The following CAAP1 variants were observed in gnomAD, a reference collection of about 807,000 sequenced individuals.
CAAP1 encodes caspase activity and apoptosis inhibitor 1.
In CAAP1, 20 loss-of-function variants were observed where a neutral mutation model predicts 34.0. The observed-to-expected ratio is 0.59, with a 90% confidence interval of 0.41 to 0.86. The LOEUF is 0.86. Ranked by LOEUF, CAAP1 falls within the 40% of genes least tolerant of loss-of-function variation. The pLI, the probability that CAAP1 is intolerant of heterozygous loss-of-function variation, is 0.00. For synonymous variants in CAAP1, 213 were observed against 166.7 expected (o/e 1.28, Z -2.14); for missense variants, 538 against 450.5 (o/e 1.19, Z -1.76).
At chr9:26,884,712 A>T in intron 4 of CAAP1, 98 bp downstream of exon 4, 2 of 895,360 alleles carry the variant, frequency 2.2e-6, no homozygotes, top group Non-Finnish European at 3.6e-6. Context: ...ATGATTTTAT[A>T]AATAAAACAC....
At chr9:26,878,916 G>T (rs982084098) in intron 4 of CAAP1, among the ~76,000 whole-genome samples, 7 of 152,050 alleles carry the variant, frequency 4.6e-5, no homozygotes, top group Admixed American at 3.9e-4. Flanking sequence ...TCTTTGCCAA[G>T]ATTCCCAAGA....
intron 4 of CAAP1, among the ~76,000 whole-genome samples, chr9:26,874,233 A>AT (rs1491154910): frequency 3.3e-4 from 47 of 140,974 alleles, no homozygotes; most frequent in African/African-American, 8.1e-4. Flanking sequence ...AAAAAAAAAA[A>AT]TTTTTTTTAC....
intron 3 of CAAP1, 163 bp from the exon 4 acceptor site, chr9:26,885,048 A>T: frequency 1.8e-6 from 1 of 550,860 alleles, no homozygotes; most frequent in Non-Finnish European, 3.2e-6. Context: ...TAATTTTTTC[A>T]ATGCCTTATT....
At chr9:26,865,810 T>C (rs548801121) in intron 4 of CAAP1, among the ~76,000 whole-genome samples, 1 of 152,224 alleles carries the variant, frequency 6.6e-6, no homozygotes, top group South Asian at 2.1e-4. Flanking sequence ...CCTAGGAAGG[T>C]TTCGTAGTAG....
intron 4 of CAAP1, among the ~76,000 whole-genome samples, chr9:26,873,410 C>A (rs574519987): frequency 1.1e-4 from 17 of 152,294 alleles, no homozygotes; most frequent in African/African-American, 3.9e-4. Flanking sequence ...AATAAAAGCA[C>A]ATTCATTTAA....
chr9:26,874,860 C>G (rs904765555), intron 4 of CAAP1, among the ~76,000 whole-genome samples: 3 of 151,962 alleles, frequency 2.0e-5, no homozygotes, highest in African/African-American at 7.3e-5. Flanking sequence ...GTAAGCTGAG[C>G]TTAGAGGAGA....
Position 26,840,977 on chromosome 9 carries a change from T to C in CAAP1, c.*1324A>G, listed in dbSNP as rs1822462536. On this transcript the variant is annotated 3_prime_UTR_variant, in exon 6 of 6. Coordinates refer to ENST00000333916, the MANE Select transcript of CAAP1 (RefSeq NM_024828.4). ...TTTTCTATGCTTTATTAGAAAGATT[T>C]ATGGAGGGGGAAAAAATGGTAGAAT... 1 of 152,146 alleles carries C rather than the reference T, an allele frequency of 6.6e-6. No individual in the cohort carries two copies. The highest frequency in any genetic ancestry group is 6.5e-5 in the Admixed American group (1 of 15,276). The allele number at this position is 152,146 out of a possible 1,614,324, so 9.4% of individuals were successfully genotyped here. A position where few individuals can be genotyped will look rare whatever the true frequency, so the allele number is the denominator to read the frequency against.
chr9:26,877,945 AT>A (rs1203577359), intron 4 of CAAP1, among the ~76,000 whole-genome samples: 30 of 151,622 alleles, frequency 2.0e-4, no homozygotes, highest in African/African-American at 7.3e-4. Context: ...TCTCCTTTCT[AT>A]GTTTCATTTT....
intron 4 of CAAP1, among the ~76,000 whole-genome samples, chr9:26,874,619 A>T (rs537254993): frequency 7.9e-5 from 12 of 152,326 alleles, no homozygotes; most frequent in African/African-American, 2.6e-4. Context: ...AGGTATTTAG[A>T]AATGATGGAT....
intron 4 of CAAP1, among the ~76,000 whole-genome samples, chr9:26,883,616 T>G (rs1483690278): frequency 6.6e-6 from 1 of 152,086 alleles, no homozygotes; most frequent in Non-Finnish European, 1.5e-5. Flanking sequence ...AAATAATAGA[T>G]TTTTAAAAAG....
intron 5 of CAAP1, among the ~76,000 whole-genome samples, chr9:26,851,536 T>C (rs1222496137): frequency 6.6e-6 from 1 of 152,176 alleles, no homozygotes; most frequent in East Asian, 1.9e-4. Flanking sequence ...TTACAATGGA[T>C]CAGATAAGTG....
At chr9:26,851,345 G>A (rs937177977) in intron 5 of CAAP1, among the ~76,000 whole-genome samples, 1 of 152,182 alleles carries the variant, frequency 6.6e-6, no homozygotes, top group African/African-American at 2.4e-5. Context: ...CTGCAAGTGT[G>A]AGGGACAGAA....
At position 26,874,079 on chromosome 9, in the gene CAAP1, C is replaced by A. The variant is rs558323184; in HGVS notation, c.665+10731G>T. On this transcript the variant is annotated intron_variant, in intron 4 of 5. Transcript: ENST00000333916. ...AAAATTAGCCGGATGTGGTGGCAGGCACCTGTGGTCCCAGCTGCTCGGGAG... is the reference window on the plus strand; with the variant it reads ...AAAATTAGCCGGATGTGGTGGCAGGAACCTGTGGTCCCAGCTGCTCGGGAG... 4.0e-5 allele frequency among the ~76,000 whole-genome samples: 6 copies of A among 151,706 alleles called. No individual in the cohort carries two copies. In the South Asian group the frequency reaches 8.4e-4, roughly 21 times the overall value.
chr9:26,844,701 C>T (rs376258482), intron 5 of CAAP1, among the ~76,000 whole-genome samples: 2 of 152,104 alleles, frequency 1.3e-5, no homozygotes, highest in African/African-American at 4.8e-5. Flanking sequence ...TATATAATTG[C>T]TTTTCTTTTT....
chr9:26,844,898 T>C (rs570234117), intron 5 of CAAP1, among the ~76,000 whole-genome samples: 6 of 152,356 alleles, frequency 3.9e-5, no homozygotes, highest in African/African-American at 1.4e-4. Flanking sequence ...TTTGATGTTC[T>C]ACACGTGGCA....
At chr9:26,859,714 T>C (rs1822963120) in intron 5 of CAAP1, among the ~76,000 whole-genome samples, 1 of 152,218 alleles carries the variant, frequency 6.6e-6, no homozygotes, top group South Asian at 2.1e-4. Context: ...AATTAAACTA[T>C]GAATCTGAGT....
chr9:26,887,139 G>A (rs1823765882), intron 2 of CAAP1, among the ~76,000 whole-genome samples, 174 bp downstream of exon 2: 1 of 152,148 alleles, frequency 6.6e-6, no homozygotes, highest in South Asian at 2.1e-4. Context: ...TTGAACCCGG[G>A]AGGCGGAGGT....
At chr9:26,871,349 G>C (rs1026315812) in intron 4 of CAAP1, among the ~76,000 whole-genome samples, 2 of 152,108 alleles carry the variant, frequency 1.3e-5, no homozygotes, top group African/African-American at 4.8e-5. Context: ...AGGCAGAGGA[G>C]GGCAGACCAC....
chr9:26,887,346 T>G lies in CAAP1; in HGVS notation c.471A>C (p.Lys157Asn), dbSNP rs766394265. Residue 157 changes from lysine to asparagine, a missense_variant, in exon 2 of 6, where the codon AAA (lysine) becomes AAC (asparagine). Coordinates refer to ENST00000333916, the MANE Select transcript of CAAP1 (RefSeq NM_024828.4). ...CATCAGGAAGCATCTTCTGTAACTTTTTCTCTCCTATAATACAGAAGCACT... is the reference window on the plus strand; with the variant it reads ...CATCAGGAAGCATCTTCTGTAACTTGTTCTCTCCTATAATACAGAAGCACT... ...LQQCFCIIGE[K>N]KLQKMLPDVL... The G allele has an allele frequency of 1.2e-4, 194 of 1,606,646 alleles. No homozygotes were observed. The highest frequency in any genetic ancestry group is 1.5e-4 in the Non-Finnish European group (175 of 1,176,164).
Sources: allele counts gnomAD v4.1 joint callset (sites outside exome capture counted in the v4.1 genomes callset), GRCh38; gene constraint gnomAD v4.1.1; transcripts MANE v1.5; gene names NCBI Gene and HGNC (gene_info 2026-07-23, HGNC 2026-07-21).